GALNTL5: variants seen among roughly 807,000 people sequenced by gnomAD.
The protein encoded by GALNTL5 is inactive polypeptide N-acetylgalactosaminyltransferase-like protein 5.
GALNTL5 carries 44 observed loss-of-function variants against 51.0 expected under a neutral mutation model. The observed-to-expected ratio is 0.86, with a 90% CI of 0.68 to 1.11. GALNTL5 has a LOEUF of 1.11. GALNTL5 is among the 50% of genes least tolerant of loss of function. The pLI, the probability that GALNTL5 is intolerant of heterozygous loss-of-function variation, is 0.00. For synonymous variants in GALNTL5, 192 were observed against 182.8 expected, an observed-to-expected ratio of 1.05 and a Z score of -0.41; for missense variants, 528 against 531.8, an observed-to-expected ratio of 0.99 and a Z score of 0.07.
intron 3 of GALNTL5, among the ~76,000 whole-genome samples, chr7:151,978,917 G>A (rs1429926036): frequency 1.3e-5 from 2 of 152,036 alleles, no homozygotes; most frequent in African/African-American, 4.8e-5. Flanking sequence ...TTTCCAAATA[G>A]GATCACATTC....
intron 5 of GALNTL5, among the ~76,000 whole-genome samples, chr7:152,000,189 T>G (rs979958991): frequency 3.3e-5 from 5 of 152,214 alleles, no homozygotes; most frequent in African/African-American, 1.2e-4. Context: ...TAGCTGTATT[T>G]ATGGCAGAGT....
intron 1 of GALNTL5, among the ~76,000 whole-genome samples, chr7:151,961,627 G>C (rs549780747): frequency 6.6e-6 from 1 of 151,946 alleles, no homozygotes; most frequent in East Asian, 1.9e-4. Flanking sequence ...AGTGTGGGTC[G>C]AAGGAGGACA....
At chr7:151,963,004 C>G (rs2081011717) in intron 1 of GALNTL5, among the ~76,000 whole-genome samples, 1 of 152,104 alleles carries the variant, frequency 6.6e-6, no homozygotes, top group South Asian at 2.1e-4. Context: ...TTTTGTGAGC[C>G]CTTTACATAG....
At chr7:151,972,741 A>C (rs908351532) in intron 3 of GALNTL5, among the ~76,000 whole-genome samples, 5 of 152,206 alleles carry the variant, frequency 3.3e-5, no homozygotes, top group Non-Finnish European at 7.3e-5. Context: ...GGTGCACAGA[A>C]GACAAGAGTT....
At position 151,987,244 on chromosome 7, in the gene GALNTL5, G is replaced by A; in HGVS notation, c.621G>A (p.Leu207=). The A allele has an allele frequency of 1.3e-6, 2 of 1,598,302 alleles. No homozygotes were observed. Among genetic ancestry groups the A allele is most frequent in the Non-Finnish European group, 1.7e-6 (2 of 1,174,964 alleles). ...TAAGAAACAAAAAGAGAGAGGGGCT[G>A]ATTCGAGCAAGGCTGATTGGAGCTT... ...KIIRNKKREG[L]IRARLIGASH... Residue 207 remains leucine, a synonymous_variant, in exon 5 of 9, where the codon CTG becomes CTA. Coordinates refer to ENST00000392800, the MANE Select transcript of GALNTL5 (RefSeq NM_145292.4).
intron 2 of GALNTL5, among the ~76,000 whole-genome samples, chr7:151,968,199 T>C (rs992823160): frequency 1.3e-5 from 2 of 152,016 alleles, no homozygotes; most frequent in African/African-American, 4.8e-5. Flanking sequence ...CTTGGAGAGC[T>C]GAGGTGGAAG....
intron 1 of GALNTL5, among the ~76,000 whole-genome samples, chr7:151,966,633 C>T (rs2081064231): frequency 6.6e-6 from 1 of 152,224 alleles, no homozygotes; most frequent in Admixed American, 6.5e-5. Flanking sequence ...TCTCATGATA[C>T]ATCTCTTTAG....
In GALNTL5 at chr7:151,995,347, A is replaced by ATTTTTTTTT. The variant is rs1563017632; in HGVS notation, c.659-7367_659-7366insTTTTTTTTT. The ATTTTTTTTT allele has an allele frequency of 4.4e-5, 4 of 90,980 alleles. 1 individual carries two copies. The highest frequency in any genetic ancestry group is 2.2e-5 in the Non-Finnish European group (1 of 45,352). The allele number at this position is 90,980 out of a possible 1,614,324, so 5.6% of individuals were successfully genotyped here. ...AAGAAATCTACGATCAGTTGGTATG[A>ATTTTTTTTT]ATTTTTTTTTTTTTTTTTTTTTTTT... On this transcript the variant is annotated intron_variant, in intron 5 of 8. Transcript: ENST00000392800.
chr7:151,992,258 C>G (rs564540622), intron 5 of GALNTL5, among the ~76,000 whole-genome samples: 1 of 151,030 alleles, frequency 6.6e-6, no homozygotes, highest in African/African-American at 2.4e-5. Flanking sequence ...TTTTGACTTT[C>G]ATGGGAATAA....
intron 1 of GALNTL5, among the ~76,000 whole-genome samples, chr7:151,960,860 A>G (rs1334422028): frequency 6.6e-6 from 1 of 152,168 alleles, no homozygotes; most frequent in African/African-American, 2.4e-5. Context: ...TCCCATGTAG[A>G]AGACATCTTG....
chr7:152,003,207 C>T (rs1324272348), intron 6 of GALNTL5, among the ~76,000 whole-genome samples: 2 of 152,176 alleles, frequency 1.3e-5, no homozygotes, highest in African/African-American at 4.8e-5. Context: ...TGGTACTGAA[C>T]ACAATCCTAT....
intron 4 of GALNTL5, among the ~76,000 whole-genome samples, chr7:151,986,384 C>T (rs148307298): frequency 0.017 from 2,596 of 152,256 alleles, 62 homozygotes; most frequent in African/African-American, 0.06. Flanking sequence ...CCTATAATCC[C>T]AGAACTTTGG....
intron 1 of GALNTL5, among the ~76,000 whole-genome samples, chr7:151,962,884 C>T (rs778026900): frequency 1.3e-5 from 2 of 152,150 alleles, no homozygotes; most frequent in Admixed American, 6.6e-5. Context: ...GCTGGGATTC[C>T]AGGAGTGAGC....
At position 151,987,282 on chromosome 7, in the gene GALNTL5, G is replaced by A. The variant is rs765982993; in HGVS notation, c.658+1G>A. 16 of 1,570,130 alleles carry A rather than the reference G, an allele frequency of 1.0e-5. No individual in the cohort carries two copies. In the East Asian group the frequency reaches 1.6e-4, roughly 16 times the overall value. ...CTGATTGGAGCTTCTCATGCTTCAG[G>A]TAGGAACATTCCTGGGGACAAGAGC... On this transcript the variant is annotated splice_donor_variant, in intron 5 of 8. Transcript: ENST00000392800. LOFTEE classifies it high-confidence loss of function.
Position 151,974,121 on chromosome 7 carries a change from G to GTTCATCTA in GALNTL5, c.368+3057_368+3058insTCATCTAT, listed in dbSNP as rs1554405061. Among the ~76,000 whole-genome samples the GTTCATCTA allele has an allele frequency of 4.5e-3, 291 of 65,194 alleles. 95 individuals carry two copies. Among genetic ancestry groups the GTTCATCTA allele is most frequent in the Middle Eastern group, 0.025 (3 of 120 alleles). 42.8% of individuals were successfully genotyped at this position (65,194 alleles called of 152,430 possible). A position where few individuals can be genotyped will look rare whatever the true frequency, so the allele number is the denominator to read the frequency against. On this transcript the variant is annotated intron_variant, in intron 3 of 8. Transcript: ENST00000392800. ...TTGTTTAGAAATTACCCAGTCTCAG[G>GTTCATCTA]TGGTATCCTTATAGCAGTGTGAAAA...
intron 1 of GALNTL5, among the ~76,000 whole-genome samples, chr7:151,961,554 G>C (rs1211591198): frequency 6.6e-6 from 1 of 152,178 alleles, no homozygotes; most frequent in Non-Finnish European, 1.5e-5. Context: ...AAGTTAGAGA[G>C]AGGACAAAAA....
rs769460066 is a variant in GALNTL5, at chr7:152,002,788, G to T, written c.733G>T (p.Ala245Ser). The T allele has an allele frequency of 1.2e-6, 2 of 1,614,148 alleles. No individual in the cohort carries two copies. Among genetic ancestry groups the T allele is most frequent in the Non-Finnish European group, 1.7e-6 (2 of 1,180,000 alleles). Reference protein sequence around the residue: ...VWLEPLLHAIAKDPKMVVCPL... With the variant: ...VWLEPLLHAISKDPKMVVCPL... ...GCTGGAGCCCCTGCTGCATGCCATT[G>T]CCAAGGACCCCAAAATGGTGGTGTG... The change falls in exon 6 of 9, where the codon GCC becomes TCC. Residue 245 changes from alanine to serine, a missense_variant. Coordinates refer to ENST00000392800, the MANE Select transcript of GALNTL5 (RefSeq NM_145292.4).
chr7:151,962,634 A>G (rs1277254521), intron 1 of GALNTL5, among the ~76,000 whole-genome samples: 2 of 151,504 alleles, frequency 1.3e-5, no homozygotes, highest in African/African-American at 2.4e-5. Context: ...TAATAGACAG[A>G]GTCTTGCTCT....
intron 6 of GALNTL5, among the ~76,000 whole-genome samples, 180 bp downstream of exon 6, chr7:152,003,143 T>C (rs2081603889): frequency 6.6e-6 from 1 of 152,252 alleles, no homozygotes; most frequent in Admixed American, 6.5e-5. Context: ...TAGGACTCAA[T>C]ATATAACGTG....
Sources: gnomAD v4.1 joint callset for allele counts (sites outside exome capture counted in the v4.1 genomes callset) on GRCh38, gnomAD v4.1.1 for gene constraint, MANE v1.5 for transcripts, NCBI Gene and HGNC (gene_info 2026-07-23, HGNC 2026-07-21) for gene names.